Variants in TMTC2 observed in about 807,000 individuals in gnomAD.
TMTC2 encodes the protein transmembrane O-mannosyltransferase targeting cadherins 2.
TMTC2 carries 43 observed loss-of-function variants against 82.4 expected under a neutral mutation model. The observed-to-expected ratio is 0.52, with a 90% CI of 0.41 to 0.67. The LOEUF (loss-of-function observed/expected upper bound fraction) is 0.67, where lower values mean the gene tolerates loss of function less well. Among genes scored for constraint, TMTC2 ranks in the 30% least tolerant of loss-of-function variants. The probability of loss-of-function intolerance (pLI) is 0.00; values close to 1 mark genes in which losing one functional copy is unlikely to be tolerated. For missense variants in TMTC2, 919 were observed against 1,012.4 expected (o/e 0.91, Z 1.25); for synonymous variants, 408 against 381.9 (o/e 1.07, Z -0.80).
At chr12:83,036,614 G>C (rs939261680) in intron 9 of TMTC2, among the ~76,000 whole-genome samples, 1 of 151,942 alleles carries the variant, frequency 6.6e-6, no homozygotes, top group African/African-American at 2.4e-5. Flanking sequence ...GTGTTTAGTG[G>C]AGGAAGAACT....
chr12:82,816,804 A>G (rs532530572), intron 1 of TMTC2, among the ~76,000 whole-genome samples: 86 of 152,250 alleles, frequency 5.6e-4, no homozygotes, highest in African/African-American at 2.0e-3. Flanking sequence ...AAAAGATTCT[A>G]TGTTAGAAGG....
Position 83,059,140 on chromosome 12 carries a change from C to A in TMTC2, c.2268-2628C>A, listed in dbSNP as rs1465799205. Among the ~76,000 whole-genome samples the A allele has an allele frequency of 2.0e-5, 3 of 151,636 alleles. No homozygotes were observed. The East Asian group carries it at 5.8e-4, about 29-fold the overall frequency. On this transcript the variant is annotated intron_variant, in intron 10 of 11. Transcript: ENST00000321196. ...GGGAACCTGAGTCCTGCGATCAGTC[C>A]CTAACAACGTTATGGTTGAAGTTCT... is the stretch of plus-strand genomic sequence containing the variant.
At chr12:82,734,783 T>G (rs1462046568) in intron 1 of TMTC2, among the ~76,000 whole-genome samples, 2 of 152,192 alleles carry the variant, frequency 1.3e-5, no homozygotes. Context: ...TTATTTTCTT[T>G]GTTATTATTA....
intron 11 of TMTC2, among the ~76,000 whole-genome samples, chr12:83,067,496 G>A (rs1217347100): frequency 1.3e-5 from 2 of 151,926 alleles, no homozygotes; most frequent in African/African-American, 2.4e-5. Flanking sequence ...TTCCTCCCCA[G>A]TGACTGAAGA....
In TMTC2 at chr12:82,965,563, C is replaced by G; in HGVS notation, c.1688C>G (p.Ala563Gly). 6.2e-7 allele frequency: 1 copy of G among 1,613,446 alleles called. No individual in the cohort carries two copies. The highest frequency in any genetic ancestry group is 8.5e-7 in the Non-Finnish European group (1 of 1,179,548). ...AIGSRPTLAS[A>G]YLNTGIILMN... ...TGTTTCCACTTTTCCCCCTCAGCTGCATATTTAAATACCGGTATTATTCTA... is the reference window on the plus strand; with the variant it reads ...TGTTTCCACTTTTCCCCCTCAGCTGGATATTTAAATACCGGTATTATTCTA... The change falls in exon 6 of 12, where the codon GCA becomes GGA. Residue 563 changes from alanine to glycine, a missense_variant. By Grantham distance (60) the Ala-to-Gly change is moderately conservative. Coordinates refer to ENST00000321196, the MANE Select transcript of TMTC2 (RefSeq NM_152588.3).
chr12:83,097,762 A>T (rs956588494), intron 11 of TMTC2, among the ~76,000 whole-genome samples: 3 of 152,242 alleles, frequency 2.0e-5, no homozygotes, highest in African/African-American at 4.8e-5. Context: ...ACGAGATTTA[A>T]TCTGGAACAG....
At chr12:82,757,948 G>A (rs1402495072) in intron 1 of TMTC2, among the ~76,000 whole-genome samples, 1 of 152,136 alleles carries the variant, frequency 6.6e-6, no homozygotes. Flanking sequence ...AATATCAAAG[G>A]ATTACGTGAG....
intron 1 of TMTC2, among the ~76,000 whole-genome samples, chr12:82,777,699 C>T (rs1192745002): frequency 1.3e-5 from 2 of 152,122 alleles, no homozygotes; most frequent in South Asian, 2.1e-4. Context: ...CAGTAGCAAA[C>T]GTTTATATAC....
At chr12:83,086,681 A>G (rs1883671787) in intron 11 of TMTC2, among the ~76,000 whole-genome samples, 1 of 152,174 alleles carries the variant, frequency 6.6e-6, no homozygotes, top group Non-Finnish European at 1.5e-5. Flanking sequence ...TTTTATGTTT[A>G]TGGTATAAAC....
At chr12:82,942,241 C>T (rs1876762595) in intron 4 of TMTC2, among the ~76,000 whole-genome samples, 1 of 152,056 alleles carries the variant, frequency 6.6e-6, no homozygotes, top group Non-Finnish European at 1.5e-5. Context: ...CAGCAAAATA[C>T]ACTTCAATAG....
At chr12:82,798,527 C>G (rs1026250130) in intron 1 of TMTC2, among the ~76,000 whole-genome samples, 1 of 148,778 alleles carries the variant, frequency 6.7e-6, no homozygotes, top group African/African-American at 2.5e-5. Flanking sequence ...AAGACTTGGC[C>G]GGTTGCCGTG....
chr12:82,866,203 G>GA (rs1192042462), intron 2 of TMTC2, among the ~76,000 whole-genome samples: 18 of 67,034 alleles, frequency 2.7e-4, no homozygotes, highest in Non-Finnish European at 5.2e-4. Context: ...AAAAACCCTT[G>GA]AAAAAATCAA....
At chr12:82,963,040 G>T (rs1362021028) in intron 4 of TMTC2, among the ~76,000 whole-genome samples, 2 of 151,896 alleles carry the variant, frequency 1.3e-5, no homozygotes, top group East Asian at 1.9e-4. Flanking sequence ...TATTTTGAGG[G>T]TTTGATGATT....
At chr12:82,934,770 G>A (rs966199778) in intron 4 of TMTC2, among the ~76,000 whole-genome samples, 1 of 152,050 alleles carries the variant, frequency 6.6e-6, no homozygotes, top group South Asian at 2.1e-4. Context: ...TGGTATTTCT[G>A]GTTCTAGATC....
intron 2 of TMTC2, among the ~76,000 whole-genome samples, chr12:82,885,402 A>T (rs920387399): frequency 6.6e-6 from 1 of 150,976 alleles, no homozygotes; most frequent in East Asian, 2.0e-4. Context: ...AGACAGAGAC[A>T]CTCTGTCACC....
At chr12:82,989,451 T>C (rs1246326982) in intron 8 of TMTC2, among the ~76,000 whole-genome samples, 2 of 152,132 alleles carry the variant, frequency 1.3e-5, no homozygotes, top group South Asian at 4.2e-4. Flanking sequence ...GTGTGGTGAT[T>C]CACACAACTC....
intron 10 of TMTC2, among the ~76,000 whole-genome samples, chr12:83,057,263 G>A (rs1228478486): frequency 6.6e-6 from 1 of 151,860 alleles, no homozygotes; most frequent in Admixed American, 6.6e-5. Flanking sequence ...AACTGTCATG[G>A]GGCATCAAGG....
chr12:82,749,577 A>G (rs764283765), intron 1 of TMTC2, among the ~76,000 whole-genome samples: 21 of 151,734 alleles, frequency 1.4e-4, no homozygotes, highest in Non-Finnish European at 2.8e-4. Flanking sequence ...CTTCATCCCT[A>G]TTGGTCCAGG....
rs1565818466 is a variant in TMTC2, at chr12:82,937,797, CACACATATATATATA to C, written c.1598+7254_1598+7268del. Among the ~76,000 whole-genome samples the C allele has an allele frequency of 8.6e-4, 19 of 22,120 alleles. 1 individual carries two copies. Among genetic ancestry groups the C allele is most frequent in the Non-Finnish European group, 1.9e-3 (19 of 10,248 alleles). The allele number at this position is 22,120 out of a possible 152,430, so 14.5% of individuals were successfully genotyped here. Reference sequence around the variant, plus strand: ...ATATATATATATATATATATATATACACACATATATATATAAAATGATGCCAAGAAATCTCTTAGG... The same window carrying C: ...ATATATATATATATATATATATATACAAATGATGCCAAGAAATCTCTTAGG... On this transcript the variant is annotated intron_variant, in intron 4 of 11. Coordinates refer to ENST00000321196, the MANE Select transcript of TMTC2 (RefSeq NM_152588.3).
Sources: gnomAD v4.1 joint callset for allele counts (sites outside exome capture counted in the v4.1 genomes callset) on GRCh38, gnomAD v4.1.1 for gene constraint, MANE v1.5 for transcripts, NCBI Gene and HGNC (gene_info 2026-07-23, HGNC 2026-07-21) for gene names.